Variants in TAF3 observed in about 807,000 individuals in gnomAD.
TAF3 encodes TATA-box binding protein associated factor 3.
TAF3 carries 7 observed loss-of-function variants against 80.6 expected under a neutral mutation model. The ratio of observed to expected loss-of-function variants is 0.09; its 90% CI spans 0.05 to 0.16. The LOEUF is 0.16. Ranked by LOEUF, TAF3 falls within the 10% of genes least tolerant of loss-of-function variation. The probability of loss-of-function intolerance (pLI) is 1.00; values close to 1 mark genes in which losing one functional copy is unlikely to be tolerated. For synonymous variants in TAF3, 444 were observed against 446.1 expected (o/e 1.00, Z 0.06); for missense variants, 921 against 1,140.2 (o/e 0.81, Z 2.77).
chr10:7,875,164 A>G (rs141999736), intron 2 of TAF3, among the ~76,000 whole-genome samples: 216 of 152,294 alleles, frequency 1.4e-3, no homozygotes, highest in African/African-American at 4.0e-3. Flanking sequence ...ATGGTAGTAA[A>G]TAATCACCAT....
In TAF3 at chr10:7,863,704, T is replaced by TATATATATACAC. The variant is rs1554778401; in HGVS notation, c.409+39145_409+39146insTATATATACACA. ...ATATATACACACACATATATATATA[T>TATATATATACAC]ACACATATATATATACACATATATA... On this transcript the variant is annotated intron_variant, in intron 2 of 6. Transcript: ENST00000344293. 3.8e-3 allele frequency among the ~76,000 whole-genome samples: 199 copies of TATATATATACAC among 52,992 alleles called. 26 individuals are homozygous for TATATATATACAC. Among genetic ancestry groups the TATATATATACAC allele is most frequent in the African/African-American group, 0.011 (164 of 15,380 alleles). 34.8% of individuals were successfully genotyped at this position (52,992 alleles called of 152,430 possible). A position where few individuals can be genotyped will look rare whatever the true frequency, so the allele number is the denominator to read the frequency against.
intron 2 of TAF3, among the ~76,000 whole-genome samples, chr10:7,859,272 AAATAAATAAAT>A (rs1281550224): frequency 2.2e-4 from 10 of 45,886 alleles, no homozygotes; most frequent in Non-Finnish European, 3.9e-4. Context: ...ATAAATAAAT[AAATAAATAAAT>A]AAATAAATAA....
chr10:7,968,698 G>A (rs1831595290), intron 3 of TAF3, among the ~76,000 whole-genome samples: 1 of 152,174 alleles, frequency 6.6e-6, no homozygotes, highest in Non-Finnish European at 1.5e-5. Context: ...AGAGAGATTA[G>A]TAGACTTGCC....
chr10:7,950,627 T>TTA (rs1838073229), intron 2 of TAF3, among the ~76,000 whole-genome samples: 1 of 152,206 alleles, frequency 6.6e-6, no homozygotes, highest in Non-Finnish European at 1.5e-5. Context: ...ATCCATGTAG[T>TTA]TATATACAGT....
chr10:8,014,833 C>A lies in TAF3; in HGVS notation c.*82C>A. On this transcript the variant is annotated 3_prime_UTR_variant, in exon 7 of 7. Coordinates refer to ENST00000344293, the MANE Select transcript of TAF3 (RefSeq NM_031923.4). ...CTGGAAGGGAGCTGGTGCAAGTCTG[C>A]CGTCACATCCACCCCCAGATGCCTG... 1 of 1,203,580 alleles carries A rather than the reference C, an allele frequency of 8.3e-7. No individual in the cohort carries two copies. The highest frequency in any genetic ancestry group is 1.2e-6 in the Non-Finnish European group (1 of 860,270). 74.6% of individuals were successfully genotyped at this position (1,203,580 alleles called of 1,614,324 possible). A position where few individuals can be genotyped will look rare whatever the true frequency, so the allele number is the denominator to read the frequency against.
intron 4 of TAF3, among the ~76,000 whole-genome samples, chr10:8,003,642 A>G (rs964590469): frequency 1.4e-4 from 21 of 152,260 alleles, no homozygotes; most frequent in African/African-American, 5.1e-4. Context: ...GTTGCATTTA[A>G]TGCAGCATTA....
chr10:7,899,800 TAAAC>T (rs1311323129), intron 2 of TAF3, among the ~76,000 whole-genome samples: 3 of 152,318 alleles, frequency 2.0e-5, no homozygotes, highest in South Asian at 2.1e-4. Context: ...GTTGTAAAAA[TAAAC>T]AAAACTGTTT....
rs148340538 is a variant in TAF3, at chr10:7,829,518, G to A, written c.409+4958G>A. 3.7e-3 allele frequency among the ~76,000 whole-genome samples: 556 copies of A among 152,244 alleles called. 7 individuals carry two copies. The highest frequency in any genetic ancestry group is 0.012 in the African/African-American group (481 of 41,524). ...GACAGTTTTGAGGATTATTGGTTAG[G>A]TATATTGTCGGATGCCCCTCTAGTG... On this transcript the variant is annotated intron_variant, in intron 2 of 6. Transcript: ENST00000344293.
At chr10:7,868,095 A>G (rs536943846) in intron 2 of TAF3, among the ~76,000 whole-genome samples, 86 of 152,206 alleles carry the variant, frequency 5.7e-4, no homozygotes, top group Non-Finnish European at 1.1e-3. Flanking sequence ...TTGCTGTCTC[A>G]GGGGTGGCAG....
rs879260697 is a variant in TAF3, at chr10:8,009,449, A to C, written c.2568+119A>C. On this transcript the variant is annotated intron_variant, in intron 5 of 6. Transcript: ENST00000344293. This position sits in a 1 kb window ranked among gnomAD's most constrained non-coding sequence, Gnocchi z 4.1. ...CTCTTCAAAATTTTATTATTTACTT[A>C]ATTATTTTTGAGACAGGGTCTCCCT... 118 of 1,354,492 alleles carry C rather than the reference A, an allele frequency of 8.7e-5. No individual in the cohort carries two copies. Among genetic ancestry groups the C allele is most frequent in the Non-Finnish European group, 1.1e-4 (116 of 1,034,724 alleles). The allele number at this position is 1,354,492 out of a possible 1,614,324, so 83.9% of individuals were successfully genotyped here. A position where few individuals can be genotyped will look rare whatever the true frequency, so the allele number is the denominator to read the frequency against.
At chr10:8,006,538 C>T (rs1212268773) in intron 4 of TAF3, among the ~76,000 whole-genome samples, 1 of 152,162 alleles carries the variant, frequency 6.6e-6, no homozygotes, top group Non-Finnish European at 1.5e-5. Flanking sequence ...GTCTGCTGCA[C>T]CAACAAGCCT....
At chr10:7,991,601 TACAC>T (rs1831834501) in intron 4 of TAF3, among the ~76,000 whole-genome samples, 1 of 152,156 alleles carries the variant, frequency 6.6e-6, no homozygotes, top group Admixed American at 6.6e-5. Context: ...TTTATACACA[TACAC>T]ACATGCATAC....
chr10:7,845,878 G>A (rs1244490), intron 2 of TAF3, among the ~76,000 whole-genome samples: 145,790 of 151,982 alleles, frequency 0.96, 70,220 homozygotes, highest in East Asian at 1. Context: ...TTTCAAATGC[G>A]TTGAAGGCAA....
At chr10:7,974,239 C>G (rs1013329476) in intron 3 of TAF3, among the ~76,000 whole-genome samples, 9 of 152,088 alleles carry the variant, frequency 5.9e-5, no homozygotes, top group African/African-American at 2.2e-4. Flanking sequence ...CCACCCATCC[C>G]CCTCATGACC....
chr10:7,926,187 A>T (rs533045719), intron 2 of TAF3, among the ~76,000 whole-genome samples: 22 of 152,278 alleles, frequency 1.4e-4, no homozygotes, highest in African/African-American at 5.3e-4. Context: ...TTTTTGAATG[A>T]CCTAAATAAT....
intron 2 of TAF3, among the ~76,000 whole-genome samples, chr10:7,915,603 A>T (rs1837704042): frequency 1.4e-5 from 2 of 145,048 alleles, no homozygotes; most frequent in South Asian, 4.4e-4. Context: ...AGATCGCGCC[A>T]CTGCACTCCA....
At chr10:7,944,093 T>TTGTG (rs35219363) in intron 2 of TAF3, among the ~76,000 whole-genome samples, 18,525 of 136,978 alleles carry the variant, frequency 0.14, 1,209 homozygotes, top group East Asian at 0.21. Flanking sequence ...ATGTTCATGC[T>TTGTG]TGTGTGTGTG....
At chr10:7,883,905 G>A (rs1212598147) in intron 2 of TAF3, among the ~76,000 whole-genome samples, 1 of 152,154 alleles carries the variant, frequency 6.6e-6, no homozygotes, top group Non-Finnish European at 1.5e-5. Context: ...CTTGCTGGCG[G>A]GGAGAGGGGA....
In TAF3 at chr10:7,896,906, A is replaced by G. The variant is rs145961980; in HGVS notation, c.410-67014A>G. 4.4e-3 allele frequency among the ~76,000 whole-genome samples: 662 copies of G among 151,802 alleles called. 5 individuals carry two copies. The highest frequency in any genetic ancestry group is 0.014 in the African/African-American group (559 of 41,390). On this transcript the variant is annotated intron_variant, in intron 2 of 6. Coordinates refer to ENST00000344293, the MANE Select transcript of TAF3 (RefSeq NM_031923.4). ...AGCCCAGTTGGAAGGCCCTTTTCCAACCTTCTTTATTGGTAGATTTTTGTT... is the reference window on the plus strand; with the variant it reads ...AGCCCAGTTGGAAGGCCCTTTTCCAGCCTTCTTTATTGGTAGATTTTTGTT...
Sources: gnomAD v4.1 joint callset for allele counts (sites outside exome capture counted in the v4.1 genomes callset) on GRCh38, gnomAD v4.1.1 for gene constraint, Gnocchi (gnomAD v3.1) non-coding constraint, MANE v1.5 for transcripts, NCBI Gene and HGNC (gene_info 2026-07-23, HGNC 2026-07-21) for gene names.